SLC39A14: variants seen among roughly 807,000 people sequenced by gnomAD.
The protein encoded by SLC39A14 is metal cation symporter ZIP14.
Under a neutral mutation model 45.5 loss-of-function variants are expected in SLC39A14, and 19 were observed. The ratio of observed to expected loss-of-function variants is 0.42; its 90% CI spans 0.29 to 0.61. The LOEUF (loss-of-function observed/expected upper bound fraction) is 0.61. SLC39A14 is among the 20% of genes least tolerant of loss of function. The pLI is 0.22. For missense variants in SLC39A14, 447 were observed against 616.5 expected, an observed-to-expected ratio of 0.73 and a Z score of 2.91; for synonymous variants, 264 against 251.3, an observed-to-expected ratio of 1.05 and a Z score of -0.48.
Position 22,420,680 on chromosome 8 carries a change from T to A in SLC39A14, c.*982T>A. ...GCTGACTTGTAGAAATGGGGTGCCA[T>A]TTATGCTCTACTTAGACAAGGGTAA... On this transcript the variant is annotated 3_prime_UTR_variant, in exon 9 of 9. Coordinates refer to ENST00000381237, the MANE Select transcript of SLC39A14 (RefSeq NM_001128431.4). 9 of 985,372 alleles carry A rather than the reference T, an allele frequency of 9.1e-6. No homozygotes were observed. The highest frequency in any genetic ancestry group is 1.1e-5 in the Non-Finnish European group (9 of 829,930). 61.0% of individuals were successfully genotyped at this position (985,372 alleles called of 1,614,324 possible).
exon 9 of SLC39A14, chr8:22,433,995 G>A (rs960681901): frequency 1.8e-5 from 7 of 393,412 alleles, no homozygotes; most frequent in Non-Finnish European, 2.6e-5. Flanking sequence ...TAAGCCTCCC[G>A]AGTAACTGAG....
At chr8:22,423,422 G>A (rs539022533), downstream of SLC39A14, among the ~76,000 whole-genome samples, 39 of 150,698 alleles carry the variant, frequency 2.6e-4, no homozygotes, top group African/African-American at 9.3e-4. Flanking sequence ...TGCAAACTCC[G>A]CTTCCCGGGT....
At position 22,398,749 on chromosome 8, in the gene SLC39A14, A is replaced by C. The variant is rs544406138; in HGVS notation, c.-15-5947A>C. The C allele has an allele frequency of 4.1e-6, 4 of 985,438 alleles. No homozygotes were observed. In the East Asian group the frequency reaches 4.5e-4, roughly 112 times the overall value. 61.0% of individuals were successfully genotyped at this position (985,438 alleles called of 1,614,324 possible). A position where few individuals can be genotyped will look rare whatever the true frequency, so the allele number is the denominator to read the frequency against. ...TCACAGAAGCGTCTGTGCAGGACAGAAGTGCCGCTTCTAGGCAGAGCTACT... is the reference window on the plus strand; with the variant it reads ...TCACAGAAGCGTCTGTGCAGGACAGCAGTGCCGCTTCTAGGCAGAGCTACT... On this transcript the variant is annotated intron_variant, in intron 1 of 8. Coordinates refer to ENST00000381237, the MANE Select transcript of SLC39A14 (RefSeq NM_001128431.4).
chr8:22,419,892 T>G lies in SLC39A14; in HGVS notation c.*194T>G. The G allele has an allele frequency of 7.7e-7, 1 of 1,299,398 alleles. No individual in the cohort carries two copies. Among genetic ancestry groups the G allele is most frequent in the Non-Finnish European group, 9.8e-7 (1 of 1,025,554 alleles). The allele number at this position is 1,299,398 out of a possible 1,614,324, so 80.5% of individuals were successfully genotyped here. On this transcript the variant is annotated 3_prime_UTR_variant, in exon 9 of 9. Coordinates refer to ENST00000381237, the MANE Select transcript of SLC39A14 (RefSeq NM_001128431.4). Reference sequence around the variant, plus strand: ...AGGAATAAGCTGCCCTGGTAACCAGTCTCTAGCTAGTGCCTCTTGCCCTCT... The same window carrying G: ...AGGAATAAGCTGCCCTGGTAACCAGGCTCTAGCTAGTGCCTCTTGCCCTCT...
At chr8:22,404,622 G>A (rs1411832794) in intron 1 of SLC39A14, 74 bp from the exon 2 acceptor site, 44 of 1,410,384 alleles carry the variant, frequency 3.1e-5, no homozygotes, top group Non-Finnish European at 4.1e-5. Flanking sequence ...TGTTCAGTGT[G>A]TGGCGGGCGG....
intron 7 of SLC39A14, among the ~76,000 whole-genome samples, chr8:22,416,742 C>A (rs986970835): frequency 6.6e-6 from 1 of 152,036 alleles, no homozygotes; most frequent in Non-Finnish European, 1.5e-5. Flanking sequence ...GCCTAACCAC[C>A]ATTTCTTAAC....
At position 22,419,995 on chromosome 8, in the gene SLC39A14, C is replaced by T; in HGVS notation, c.*297C>T. The T allele has an allele frequency of 9.1e-7, 1 of 1,097,962 alleles. No individual in the cohort carries two copies. The allele number at this position is 1,097,962 out of a possible 1,614,324, so 68.0% of individuals were successfully genotyped here. A position where few individuals can be genotyped will look rare whatever the true frequency, so the allele number is the denominator to read the frequency against. ...CAAGCCTGACTTTTTTCTCTGATTA[C>T]CTTGGCCTCCTCTTGGAACCAGTGC... On this transcript the variant is annotated 3_prime_UTR_variant, in exon 9 of 9. Coordinates refer to ENST00000381237, the MANE Select transcript of SLC39A14 (RefSeq NM_001128431.4).
intron 3 of SLC39A14, chr8:22,409,839 C>A: frequency 8.9e-7 from 1 of 1,121,222 alleles, no homozygotes; most frequent in Non-Finnish European, 1.3e-6. Context: ...GTTGGTGGAT[C>A]TCAGTCTGCC....
rs1586716987 is a variant in SLC39A14 at position 22,404,941 on chromosome 8, T to C, written c.231T>C (p.Asn77=). The C allele has an allele frequency of 6.2e-7, 1 of 1,614,134 alleles. No homozygotes were observed. The highest frequency in any genetic ancestry group is 8.5e-7 in the Non-Finnish European group (1 of 1,180,028). The change falls in exon 2 of 9, where the codon AAT becomes AAC. Residue 77 remains asparagine (N), a synonymous_variant. Transcript: ENST00000381237. ...NHLDVGVGRG[N]VTQHVQGHRN... is the part of the protein sequence containing the mutation. ...TGGATGTGGGAGTGGGCCGGGGTAA[T>C]GTCACCCAGCACGTGCAAGGACACA...
chr8:22,368,154 T>A (rs1832737122), intron 1 of SLC39A14, among the ~76,000 whole-genome samples: 1 of 152,162 alleles, frequency 6.6e-6, no homozygotes, highest in African/African-American at 2.4e-5. Flanking sequence ...GTTAAAGGGC[T>A]CGGCTGTACA....
At position 22,415,784 on chromosome 8, in the gene SLC39A14, A is replaced by C; in HGVS notation, c.766A>C (p.Ser256Arg). 1 of 1,611,988 alleles carries C rather than the reference A, an allele frequency of 6.2e-7. No individual in the cohort carries two copies. Among genetic ancestry groups the C allele is most frequent in the South Asian group, 1.1e-5 (1 of 90,776 alleles). Residue 256 changes from serine (S) to arginine (R), a missense_variant, in exon 6 of 9, where the codon AGC (serine) becomes CGC (arginine). Ser to Arg is a moderately radical substitution (Grantham distance 110). Coordinates refer to ENST00000381237, the MANE Select transcript of SLC39A14 (RefSeq NM_001128431.4). ...KQKNEHHHGHSHYASESLPSK... is the reference protein window; with the variant it reads ...KQKNEHHHGHRHYASESLPSK... ...ACCCTTCCAGCATCATCATGGACAC[A>C]GCCATTATGCCTCTGAGTCGCTTCC...
At chr8:22,399,784 G>T (rs1358449631) in intron 1 of SLC39A14, among the ~76,000 whole-genome samples, 1 of 152,264 alleles carries the variant, frequency 6.6e-6, no homozygotes, top group Admixed American at 6.5e-5. Context: ...ATGCTTCGTA[G>T]ATGCTCACCT....
At chr8:22,387,431 G>A (rs1458869228) in intron 1 of SLC39A14, among the ~76,000 whole-genome samples, 1 of 152,194 alleles carries the variant, frequency 6.6e-6, no homozygotes, top group Non-Finnish European at 1.5e-5. Context: ...TAGCTGGAAA[G>A]GGTAAGCCTT....
chr8:22,370,150 TTGTG>T (rs143567117), intron 1 of SLC39A14, among the ~76,000 whole-genome samples: 3 of 151,816 alleles, frequency 2.0e-5, no homozygotes, highest in African/African-American at 4.8e-5. Context: ...GGGTGTGTGC[TTGTG>T]TGTGTGTGTG....
At chr8:22,401,539 C>CTTTTTTTTTTTTTT (rs1478354009) in intron 1 of SLC39A14, among the ~76,000 whole-genome samples, 1 of 115,716 alleles carries the variant, frequency 8.6e-6, no homozygotes, top group African/African-American at 3.4e-5. Context: ...TTTCTCTTCT[C>CTTTTTTTTTTTTTT]TTTCTTTTTT....
chr8:22,378,115 G>A (rs531897784), intron 1 of SLC39A14, among the ~76,000 whole-genome samples: 1 of 152,330 alleles, frequency 6.6e-6, no homozygotes, highest in East Asian at 1.9e-4. Flanking sequence ...TGGTAGGCAT[G>A]TGTCAGTAGA....
At chr8:22,370,244 T>C (rs1393982634) in intron 1 of SLC39A14, among the ~76,000 whole-genome samples, 1 of 152,184 alleles carries the variant, frequency 6.6e-6, no homozygotes, top group Non-Finnish European at 1.5e-5. Context: ...AAACCCTGCT[T>C]ACCTTCTTCC....
chr8:22,425,512 G>A (rs1004988468), downstream of SLC39A14, among the ~76,000 whole-genome samples: 5 of 149,702 alleles, frequency 3.3e-5, no homozygotes, highest in African/African-American at 7.4e-5. Flanking sequence ...CATTGCATTC[G>A]TGATTGGTGG....
chr8:22,369,625 G>C (rs1283501176), intron 1 of SLC39A14, among the ~76,000 whole-genome samples: 1 of 152,232 alleles, frequency 6.6e-6, no homozygotes, highest in Non-Finnish European at 1.5e-5. Flanking sequence ...TCAGTTCAGA[G>C]AGCGGGCATC....
Sources: allele counts gnomAD v4.1 joint callset (sites outside exome capture counted in the v4.1 genomes callset), GRCh38; gene constraint gnomAD v4.1.1; transcripts MANE v1.5; gene names NCBI Gene and HGNC (gene_info 2026-07-23, HGNC 2026-07-21).